Variants in NRG1 observed in about 807,000 individuals in gnomAD.
NRG1 encodes the protein neuregulin 1, also known as pro-neuregulin-1, membrane-bound isoform.
In NRG1, 18 loss-of-function variants were observed where a neutral mutation model predicts 63.8. The observed-to-expected ratio is 0.28, with a 90% CI of 0.19 to 0.42. The LOEUF is 0.42. Ranked by LOEUF, NRG1 falls within the 10% of genes least tolerant of loss-of-function variation. The probability of loss-of-function intolerance (pLI) is 1.00; values close to 1 mark genes in which losing one functional copy is unlikely to be tolerated. For missense variants in NRG1, 762 were observed against 814.7 expected, an observed-to-expected ratio of 0.94 and a Z score of 0.79; for synonymous variants, 302 against 301.3, an observed-to-expected ratio of 1.00 and a Z score of -0.02.
At position 32,403,171 on chromosome 8, in the gene NRG1, T is replaced by C. The variant is rs867753500; in HGVS notation, c.38-192657T>C. The stretch of plus-strand genomic sequence containing the variant: ...AAAATTAGCCAGGCACAGTGGCAGG[T>C]GCCTGTAATCGCAGCTACTTGGGAA... On this transcript the variant is annotated intron_variant, in intron 1 of 10. Transcript: ENST00000519301. Among the ~76,000 whole-genome samples the C allele has an allele frequency of 4.6e-5, 7 of 151,338 alleles. No individual in the cohort carries two copies. The East Asian group carries it at 1.4e-3, about 30-fold the overall frequency.
At chr8:32,353,687 G>A (rs1458978510) in intron 1 of NRG1, among the ~76,000 whole-genome samples, 2 of 152,174 alleles carry the variant, frequency 1.3e-5, no homozygotes, top group Non-Finnish European at 2.9e-5. Flanking sequence ...GCAGGAATGT[G>A]GAGGAACTGA....
At chr8:32,353,849 C>A (rs1442294743) in intron 1 of NRG1, among the ~76,000 whole-genome samples, 1 of 152,150 alleles carries the variant, frequency 6.6e-6, no homozygotes, top group East Asian at 1.9e-4. Flanking sequence ...AGCCTATGTC[C>A]ATACAAAGAC....
At position 31,902,152 on chromosome 8, in the gene NRG1, TA is replaced by T. The variant is rs528700856; in HGVS notation, c.37+262723del. 3.1e-3 allele frequency among the ~76,000 whole-genome samples: 465 copies of T among 152,268 alleles called. 1 individual carries two copies. The highest frequency in any genetic ancestry group is 6.8e-3 in the Middle Eastern group (2 of 294). ...CACTACTAGGATGGTAAGAATTTAG[TA>T]AGTAAACCAGAAAGTTATTAGAAAA... On this transcript the variant is annotated intron_variant, in intron 1 of 10. Transcript: ENST00000519301.
intron 1 of NRG1, among the ~76,000 whole-genome samples, chr8:32,179,535 C>G (rs1038862385): frequency 3.9e-5 from 6 of 152,182 alleles, no homozygotes; most frequent in African/African-American, 1.4e-4. Context: ...CATTAAGTAA[C>G]TTGGCTGAAT....
chr8:32,060,252 AG>A (rs1288254881), intron 1 of NRG1, among the ~76,000 whole-genome samples: 1 of 151,808 alleles, frequency 6.6e-6, no homozygotes, highest in Admixed American at 6.6e-5. Context: ...TTTGTATTTA[AG>A]GGAAACAAAA....
chr8:31,760,243 G>GCTT (rs1291536662), intron 1 of NRG1, among the ~76,000 whole-genome samples: 5 of 152,104 alleles, frequency 3.3e-5, no homozygotes, highest in Non-Finnish European at 7.4e-5. Context: ...GTAAGGAAGG[G>GCTT]ATCCAGTTTC....
At chr8:31,774,604 A>T (rs1034479202) in intron 1 of NRG1, among the ~76,000 whole-genome samples, 9 of 152,136 alleles carry the variant, frequency 5.9e-5, no homozygotes, top group African/African-American at 2.2e-4. Flanking sequence ...CATTTGTTAG[A>T]TACATAGTTT....
intron 1 of NRG1, among the ~76,000 whole-genome samples, chr8:32,001,667 T>C (rs1186350973): frequency 2.0e-5 from 3 of 152,022 alleles, no homozygotes; most frequent in Admixed American, 2.0e-4. Context: ...TTAGCTGCAA[T>C]GTTTTCTCAG....
intron 1 of NRG1, among the ~76,000 whole-genome samples, chr8:32,233,311 T>C (rs1054229185): frequency 6.6e-6 from 1 of 151,712 alleles, no homozygotes; most frequent in African/African-American, 2.4e-5. Flanking sequence ...AGAGTCTTAC[T>C]ATATTGCCTA....
At chr8:31,716,307 T>C (rs1812343427) in intron 1 of NRG1, among the ~76,000 whole-genome samples, 2 of 152,334 alleles carry the variant, frequency 1.3e-5, no homozygotes, top group African/African-American at 4.8e-5. Context: ...GTGTTTCTTT[T>C]TGCATGATGC....
intron 1 of NRG1, among the ~76,000 whole-genome samples, chr8:32,207,011 G>A (rs955336265): frequency 9.9e-5 from 15 of 152,120 alleles, no homozygotes; most frequent in African/African-American, 2.4e-4. Flanking sequence ...TATCTCCTCC[G>A]TGAGTCAGTG....
chr8:32,271,826 C>T (rs1453574082), intron 1 of NRG1, among the ~76,000 whole-genome samples: 12 of 152,046 alleles, frequency 7.9e-5, no homozygotes. Flanking sequence ...TGAAACCAAC[C>T]CAAGCTCTAG....
At chr8:31,922,150 G>A (rs1248582126) in intron 1 of NRG1, among the ~76,000 whole-genome samples, 2 of 152,192 alleles carry the variant, frequency 1.3e-5, no homozygotes, top group African/African-American at 4.8e-5. Context: ...ACTTGGCAGA[G>A]TTGGGATAGG....
intron 1 of NRG1, among the ~76,000 whole-genome samples, chr8:32,173,097 A>G (rs1235629565): frequency 5.9e-5 from 9 of 152,290 alleles, no homozygotes; most frequent in African/African-American, 1.7e-4. Context: ...GAGAAAGGTC[A>G]GGTTACCCAC....
intron 1 of NRG1, among the ~76,000 whole-genome samples, chr8:32,493,509 A>G (rs1826839012): frequency 6.6e-6 from 1 of 152,218 alleles, no homozygotes; most frequent in Admixed American, 6.5e-5. Flanking sequence ...CTCTTCCTAG[A>G]CATCCAGTTG....
chr8:31,862,248 G>A (rs1416926642), intron 1 of NRG1, among the ~76,000 whole-genome samples: 2 of 152,136 alleles, frequency 1.3e-5, no homozygotes, highest in Non-Finnish European at 2.9e-5. Context: ...TGTGTATCAG[G>A]AGAAAAGTTG....
chr8:31,651,219 T>A, intron 1 of NRG1, among the ~76,000 whole-genome samples: 1 of 152,252 alleles, frequency 6.6e-6, no homozygotes, highest in African/African-American at 2.4e-5. Context: ...TTGTGTCATT[T>A]AAAAAAATAT....
intron 1 of NRG1, among the ~76,000 whole-genome samples, chr8:31,992,844 A>G (rs909920316): frequency 1.3e-5 from 2 of 152,012 alleles, no homozygotes; most frequent in African/African-American, 2.4e-5. Context: ...TTTTTCCCAG[A>G]ATAAATGAGT....
At position 32,702,679 on chromosome 8, in the gene NRG1, G is replaced by A. The variant is rs529144008; in HGVS notation, c.503-25270G>A. On this transcript the variant is annotated intron_variant, in intron 5 of 11. Transcript: ENST00000356819. The stretch of plus-strand genomic sequence containing the variant: ...ACTTTTGTATTTTTAGTAGAGAAGG[G>A]TTTCGCTCTGTTGGCCAGGCTGGTC... Among the ~76,000 whole-genome samples, 5 of 152,234 alleles carry A rather than the reference G, an allele frequency of 3.3e-5. No individual in the cohort carries two copies. The South Asian group carries it at 1.0e-3, about 32-fold the overall frequency.
Sources: gnomAD v4.1 joint callset for allele counts (sites outside exome capture counted in the v4.1 genomes callset) on GRCh38, gnomAD v4.1.1 for gene constraint, MANE v1.5 for transcripts, NCBI Gene and HGNC (gene_info 2026-07-23, HGNC 2026-07-21) for gene names.